The following BMP1 variants were observed in gnomAD, a reference collection of about 807,000 sequenced individuals.
BMP1 encodes the protein mammalian tolloid protein.
A neutral mutation model predicts 116.8 loss-of-function variants in BMP1; 63 were observed. The observed-to-expected ratio is 0.54, with a 90% CI of 0.44 to 0.67. The LOEUF is 0.67. Among genes scored for constraint, BMP1 ranks in the 30% least tolerant of loss-of-function variants. BMP1 has a pLI of 0.00. For synonymous variants in BMP1, 536 were observed against 533.4 expected (o/e 1.00, Z -0.07); for missense variants, 1,183 against 1,358.9 (o/e 0.87, Z 2.04).
intron 9 of BMP1, among the ~76,000 whole-genome samples, chr8:22,192,876 T>G (rs1828975044): frequency 1.3e-5 from 2 of 152,346 alleles, no homozygotes; most frequent in South Asian, 4.1e-4. Flanking sequence ...GACCACTCTT[T>G]GGCAACAGAA....
Position 22,180,513 on chromosome 8 carries a change from C to G in BMP1, c.1077+30C>G, listed in dbSNP as rs768599763. The stretch of plus-strand genomic sequence containing the variant: ...GTGTGGGCTCAGCCTCTGAGCCTCC[C>G]CCTCCCCTGCGGGTCCCCATACCTC... On this transcript the variant is annotated intron_variant, in intron 8 of 19. Coordinates refer to ENST00000306385, the MANE Select transcript of BMP1 (RefSeq NM_006129.5). The G allele has an allele frequency of 1.9e-6, 3 of 1,590,284 alleles. No homozygotes were observed. In the East Asian group the frequency reaches 6.7e-5, roughly 36 times the overall value.
intron 8 of BMP1, among the ~76,000 whole-genome samples, chr8:22,190,603 G>A (rs1044476205): frequency 2.0e-5 from 3 of 152,182 alleles, no homozygotes; most frequent in African/African-American, 4.8e-5. Context: ...AGAGGAGGTC[G>A]CAGAACTGAG....
At chr8:22,177,484 T>G (rs1425328836) in intron 5 of BMP1, 1 of 703,984 alleles carries the variant, frequency 1.4e-6, no homozygotes, top group Non-Finnish European at 2.6e-6. Flanking sequence ...ATCTGCCCTC[T>G]GCCTGGTCTG....
rs748718864 is a variant in BMP1, at chr8:22,209,647, C to T, written c.2778C>T (p.Asp926=). The T allele has an allele frequency of 1.4e-5, 23 of 1,613,970 alleles. No homozygotes were observed. The highest frequency in any genetic ancestry group is 6.7e-5 in the African/African-American group (5 of 74,910). ...DCGYDYMELF[D]GYDSTAPRLG... ...GCTATGACTACATGGAGCTCTTCGA[C>T]GGCTACGACAGCACAGCCCCCAGGC... The change falls in exon 19 of 20, where the codon GAC becomes GAT. Residue 926 remains aspartate (D), a synonymous_variant. Transcript: ENST00000306385.
chr8:22,190,423 G>T (rs1828898021), intron 8 of BMP1, among the ~76,000 whole-genome samples: 1 of 152,178 alleles, frequency 6.6e-6, no homozygotes. Flanking sequence ...ATTGCCCTGG[G>T]TGCAGTGGGT....
At chr8:22,209,788 C>T in intron 19 of BMP1, 93 bp downstream of exon 19, 1 of 1,421,362 alleles carries the variant, frequency 7.0e-7, no homozygotes, top group South Asian at 1.3e-5. Flanking sequence ...ACCTAGCGCC[C>T]ACACAGGCCC....
chr8:22,176,043 A>C, intron 2 of BMP1, 100 bp from the exon 3 acceptor site: 1 of 1,297,406 alleles, frequency 7.7e-7, no homozygotes, highest in Non-Finnish European at 1.1e-6. Flanking sequence ...CCAGTAGACA[A>C]ATTTGCAAGC....
At chr8:22,200,985 G>GA in intron 15 of BMP1, 1 of 314,824 alleles carries the variant, frequency 3.2e-6, no homozygotes. Context: ...GTGTCCGCCT[G>GA]CCCTCCCGCC....
At chr8:22,187,813 T>C (rs902365160) in intron 8 of BMP1, among the ~76,000 whole-genome samples, 1 of 152,138 alleles carries the variant, frequency 6.6e-6, no homozygotes, top group African/African-American at 2.4e-5. Flanking sequence ...GCTTACTGTG[T>C]GTTGGGCACT....
At chr8:22,167,651 G>A (rs1479627211) in intron 1 of BMP1, among the ~76,000 whole-genome samples, 1 of 152,180 alleles carries the variant, frequency 6.6e-6, no homozygotes, top group East Asian at 1.9e-4. Context: ...TCAAGTAAGG[G>A]CTCTGGAGAA....
intron 8 of BMP1, among the ~76,000 whole-genome samples, chr8:22,187,786 G>A (rs1236416147): frequency 2.6e-5 from 4 of 152,068 alleles, no homozygotes; most frequent in African/African-American, 4.8e-5. Context: ...TACTAGCAAA[G>A]TTAACATTTA....
chr8:22,197,916 G>A (rs1829139012), intron 15 of BMP1, among the ~76,000 whole-genome samples: 1 of 152,194 alleles, frequency 6.6e-6, no homozygotes, highest in South Asian at 2.1e-4. Context: ...CGGGCGCGGT[G>A]GCTCACGCCT....
chr8:22,205,081 G>A (rs1050551667), intron 16 of BMP1, among the ~76,000 whole-genome samples: 3 of 152,182 alleles, frequency 2.0e-5, no homozygotes, highest in Admixed American at 6.5e-5. Flanking sequence ...CAGGGCAGCA[G>A]GGTAGCAGGG....
intron 2 of BMP1, among the ~76,000 whole-genome samples, chr8:22,174,548 G>A (rs930749037): frequency 6.6e-6 from 1 of 151,256 alleles, no homozygotes; most frequent in Non-Finnish European, 1.5e-5. Flanking sequence ...TGATGTTTGA[G>A]ACATGGTCCT....
At chr8:22,199,269 G>T (rs1180178338) in intron 15 of BMP1, 3 of 1,367,254 alleles carry the variant, frequency 2.2e-6, no homozygotes, top group Non-Finnish European at 2.9e-6. Context: ...CCCAGGAGGG[G>T]AGCTATTTGG....
At chr8:22,182,491 C>T (rs973814036) in intron 8 of BMP1, among the ~76,000 whole-genome samples, 1 of 152,202 alleles carries the variant, frequency 6.6e-6, no homozygotes, top group African/African-American at 2.4e-5. Context: ...TGAGACCATA[C>T]CTTGGTCATC....
Position 22,194,685 on chromosome 8 carries a change from A to C in BMP1, c.1444-39A>C. 3 of 1,591,144 alleles carry C rather than the reference A, an allele frequency of 1.9e-6. No homozygotes were observed. The highest frequency in any genetic ancestry group is 1.7e-6 in the Non-Finnish European group (2 of 1,166,932). On this transcript the variant is annotated intron_variant, in intron 11 of 19. Transcript: ENST00000306385. This position sits in a 1 kb window ranked among gnomAD's most constrained non-coding sequence, Gnocchi z 4.5. Reference sequence around the variant, plus strand: ...GGGCTCCCAGGGGTGGGTCTCTGGCAGCCAGAGCCCCTTCCACTGATGAAG... The same window carrying C: ...GGGCTCCCAGGGGTGGGTCTCTGGCCGCCAGAGCCCCTTCCACTGATGAAG...
At chr8:22,199,466 A>G in intron 15 of BMP1, 1 of 1,103,198 alleles carries the variant, frequency 9.1e-7, no homozygotes, top group Non-Finnish European at 1.1e-6. Flanking sequence ...CCCAGCTCCC[A>G]GGTGAGGCTG....
chr8:22,208,159 C>T (rs1049864376), intron 18 of BMP1, among the ~76,000 whole-genome samples: 1 of 152,254 alleles, frequency 6.6e-6, no homozygotes, highest in African/African-American at 2.4e-5. Context: ...GCTGAGATTA[C>T]AGGCGTGAGC....
Sources: gnomAD v4.1 joint callset for allele counts (sites outside exome capture counted in the v4.1 genomes callset) on GRCh38, gnomAD v4.1.1 for gene constraint, Gnocchi (gnomAD v3.1) non-coding constraint, MANE v1.5 for transcripts, NCBI Gene and HGNC (gene_info 2026-07-23, HGNC 2026-07-21) for gene names.